PLA2G4E: variants seen among roughly 807,000 people sequenced by gnomAD.
The protein encoded by PLA2G4E is cytosolic phospholipase A2 epsilon.
In PLA2G4E, 84 loss-of-function variants were observed where a neutral mutation model predicts 109.1. The ratio of observed to expected loss-of-function variants is 0.77; its 90% CI spans 0.65 to 0.92. The LOEUF (loss-of-function observed/expected upper bound fraction) is 0.92, where lower values mean the gene tolerates loss of function less well. Ranked by LOEUF, PLA2G4E falls within the 40% of genes least tolerant of loss-of-function variation. PLA2G4E has a pLI of 0.00. For missense variants in PLA2G4E, 1,057 were observed against 1,076.6 expected (o/e 0.98, Z 0.25); for synonymous variants, 469 against 436.1 (o/e 1.08, Z -0.94).
At chr15:42,043,363 G>C (rs12438796) in intron 1 of PLA2G4E, among the ~76,000 whole-genome samples, 12,148 of 152,006 alleles carry the variant, frequency 0.08, 494 homozygotes, top group South Asian at 0.12. Context: ...AAATATGTGA[G>C]GAAGGTGGGC....
chr15:42,024,955 C>T (rs1345392127), intron 1 of PLA2G4E, among the ~76,000 whole-genome samples: 2 of 152,096 alleles, frequency 1.3e-5, no homozygotes, highest in Non-Finnish European at 2.9e-5. Context: ...AATCCCAGCA[C>T]TTTGGGAGGC....
At chr15:41,999,430 T>A in intron 10 of PLA2G4E, 94 bp downstream of exon 10, 4 of 893,326 alleles carry the variant, frequency 4.5e-6, no homozygotes, top group Non-Finnish European at 7.4e-6. Flanking sequence ...TCATTAGCCA[T>A]AGGGGAAATG....
intron 3 of PLA2G4E, among the ~76,000 whole-genome samples, chr15:42,006,538 C>T (rs978037389): frequency 1.3e-5 from 2 of 152,186 alleles, no homozygotes; most frequent in African/African-American, 4.8e-5. Context: ...CTAGAAAATC[C>T]AGATTAGGGA....
intron 3 of PLA2G4E, among the ~76,000 whole-genome samples, chr15:42,006,932 C>G (rs762899784): frequency 6.6e-6 from 1 of 152,234 alleles, no homozygotes; most frequent in Non-Finnish European, 1.5e-5. Flanking sequence ...ATTCTGATTT[C>G]AAGATGGCAG....
chr15:42,018,552 G>A (rs2068618095), intron 1 of PLA2G4E, among the ~76,000 whole-genome samples: 1 of 152,196 alleles, frequency 6.6e-6, no homozygotes, highest in Non-Finnish European at 1.5e-5. Flanking sequence ...AGCACTTGAA[G>A]ACTTGGAGCT....
chr15:41,995,366 G>A, exon 12 of PLA2G4E: 2 of 1,613,160 alleles, frequency 1.2e-6, no homozygotes, highest in Middle Eastern at 1.7e-4. Context: ...TTACCAGGTG[G>A]CCCCTGATAG....
chr15:42,050,662 A>C, exon 1 of PLA2G4E: 1 of 1,550,562 alleles, frequency 6.4e-7, no homozygotes, highest in Non-Finnish European at 8.7e-7. Context: ...CAAACACATT[A>C]GTTCCCAGGC....
At chr15:42,050,455 T>C in intron 1 of PLA2G4E, 3 of 1,477,242 alleles carry the variant, frequency 2.0e-6, no homozygotes, top group Non-Finnish European at 2.7e-6. Flanking sequence ...GTGATCTTAT[T>C]CCGAGTCAGG....
chr15:41,988,659 T>A (rs1378005023), intron 15 of PLA2G4E, among the ~76,000 whole-genome samples: 1 of 152,226 alleles, frequency 6.6e-6, no homozygotes, highest in Non-Finnish European at 1.5e-5. Flanking sequence ...GGTGAGGCAA[T>A]CTGGCCAACT....
intron 2 of PLA2G4E, chr15:42,010,021 C>T (rs548170947): frequency 4.6e-6 from 2 of 433,386 alleles, no homozygotes; most frequent in Middle Eastern, 6.8e-4. Context: ...AGATACATCA[C>T]TGCAGATACA....
At chr15:41,989,994 G>C in intron 14 of PLA2G4E, 127 bp downstream of exon 14, 1 of 764,202 alleles carries the variant, frequency 1.3e-6, no homozygotes, top group East Asian at 2.5e-5. Context: ...CCAGCTGTGT[G>C]CACAGTCTGG....
chr15:42,006,447 A>C (rs1000343336), intron 3 of PLA2G4E, among the ~76,000 whole-genome samples: 1 of 152,188 alleles, frequency 6.6e-6, no homozygotes, highest in Admixed American at 6.5e-5. Context: ...GATGGATGGG[A>C]AAGAGCAAGC....
intron 1 of PLA2G4E, among the ~76,000 whole-genome samples, chr15:42,032,801 G>A (rs1430145479): frequency 6.6e-6 from 1 of 152,220 alleles, no homozygotes; most frequent in African/African-American, 2.4e-5. Context: ...TTTGATGTCA[G>A]AAAGGAGGAA....
exon 20 of PLA2G4E, chr15:41,982,546 C>T (rs991770459): frequency 3.9e-5 from 6 of 152,244 alleles, no homozygotes; most frequent in African/African-American, 7.2e-5. Flanking sequence ...ATAAGTAATC[C>T]CATGAGGCAG....
exon 10 of PLA2G4E, chr15:41,999,528 G>T: frequency 6.2e-7 from 1 of 1,604,466 alleles, no homozygotes; most frequent in South Asian, 1.1e-5. Context: ...CTATACCAGG[G>T]TGTAGACTTC....
intron 1 of PLA2G4E, among the ~76,000 whole-genome samples, chr15:42,019,956 T>A (rs1250627556): frequency 6.6e-6 from 1 of 152,188 alleles, no homozygotes; most frequent in East Asian, 1.9e-4. Context: ...GTGGAAGACC[T>A]CTCCTGGCCC....
chr15:41,989,694 T>C, intron 14 of PLA2G4E, 142 bp from the exon 15 acceptor site: 2 of 1,176,046 alleles, frequency 1.7e-6, no homozygotes, highest in South Asian at 3.3e-5. Flanking sequence ...AAAGGACACA[T>C]GGGGGCACCC....
chr15:42,014,342 T>C (rs2068568058), intron 1 of PLA2G4E, among the ~76,000 whole-genome samples: 1 of 152,240 alleles, frequency 6.6e-6, no homozygotes, highest in Non-Finnish European at 1.5e-5. Context: ...AAGGTGCTAA[T>C]ACATGTTCAT....
intron 1 of PLA2G4E, among the ~76,000 whole-genome samples, chr15:42,023,513 A>G (rs1218081320): frequency 6.6e-6 from 1 of 152,044 alleles, no homozygotes; most frequent in Admixed American, 6.6e-5. Context: ...TGAGATGTGA[A>G]CCATCTGGGA....
Sources: allele counts gnomAD v4.1 joint callset (sites outside exome capture counted in the v4.1 genomes callset), GRCh38; gene constraint gnomAD v4.1.1; transcripts MANE v1.5; gene names NCBI Gene and HGNC (gene_info 2026-07-23, HGNC 2026-07-21).